Variants in EEF2K observed in about 807,000 individuals in gnomAD.
EEF2K encodes the protein eukaryotic elongation factor 2 kinase, also known as alternative protein EEF2K.
Under a neutral mutation model 93.8 loss-of-function variants are expected in EEF2K, and 70 were observed. The observed-to-expected ratio is 0.75, with a 90% confidence interval of 0.62 to 0.91. EEF2K has a LOEUF of 0.91. Ranked by LOEUF, EEF2K falls within the 40% of genes least tolerant of loss-of-function variation. The pLI is 0.00. For synonymous variants in EEF2K, 376 were observed against 380.8 expected (o/e 0.99, Z 0.15); for missense variants, 935 against 972.9 (o/e 0.96, Z 0.52).
intron 1 of EEF2K, among the ~76,000 whole-genome samples, chr16:22,213,452 T>G (rs972729260): frequency 6.6e-6 from 1 of 152,138 alleles, no homozygotes; most frequent in Non-Finnish European, 1.5e-5. Context: ...CCCCTAGAGT[T>G]TCAACAACTG....
In EEF2K at chr16:22,284,307, G is replaced by A; in HGVS notation, c.*311G>A. The A allele has an allele frequency of 3.3e-6, 1 of 301,012 alleles. No homozygotes were observed. The highest frequency in any genetic ancestry group is 6.5e-6 in the Non-Finnish European group (1 of 154,430). 18.6% of individuals were successfully genotyped at this position (301,012 alleles called of 1,614,324 possible). ...GTTTGTTTGTTTGTTTTGAGACAGA[G>A]TCTTGCTCTGTCACCCAGGCTGGAG... On this transcript the variant is annotated 3_prime_UTR_variant, in exon 18 of 18. Coordinates refer to ENST00000263026, the MANE Select transcript of EEF2K (RefSeq NM_013302.5).
At position 22,284,655 on chromosome 16, in the gene EEF2K, T is replaced by C. The variant is rs1392525005; in HGVS notation, c.*659T>C. 6.6e-6 allele frequency: 1 copy of C among 152,050 alleles called. No homozygotes were observed. Among genetic ancestry groups the C allele is most frequent in the East Asian group, 1.9e-4 (1 of 5,190 alleles). The allele number at this position is 152,050 out of a possible 1,614,324, so 9.4% of individuals were successfully genotyped here. On this transcript the variant is annotated 3_prime_UTR_variant, in exon 18 of 18. Transcript: ENST00000263026. Reference sequence around the variant, plus strand: ...AGATATAAGAAAGTGCTTTTTGCCTTGAATGGACAATTTTAGGGCTGTGCT... The same window carrying C: ...AGATATAAGAAAGTGCTTTTTGCCTCGAATGGACAATTTTAGGGCTGTGCT...
At chr16:22,258,160 T>G (rs1465760697) in intron 9 of EEF2K, among the ~76,000 whole-genome samples, 2 of 152,104 alleles carry the variant, frequency 1.3e-5, no homozygotes, top group Non-Finnish European at 2.9e-5. Flanking sequence ...CCATTGCTAC[T>G]TGGACCAGGG....
rs1329790618 is a variant in EEF2K, at chr16:22,285,531, A to G, written c.*1535A>G. The G allele has an allele frequency of 1.3e-5, 2 of 152,214 alleles. No individual in the cohort carries two copies. Among genetic ancestry groups the G allele is most frequent in the Admixed American group, 1.3e-4 (2 of 15,282 alleles). The allele number at this position is 152,214 out of a possible 1,614,324, so 9.4% of individuals were successfully genotyped here. ...ATTTCATTTGATGTTTCAAATAGCA[A>G]AGATGCTAGGTGCGGTGGCTCCCGC... On this transcript the variant is annotated 3_prime_UTR_variant, in exon 18 of 18. Coordinates refer to ENST00000263026, the MANE Select transcript of EEF2K (RefSeq NM_013302.5).
chr16:22,251,556 G>C (rs1378722742), intron 6 of EEF2K, among the ~76,000 whole-genome samples: 7 of 152,042 alleles, frequency 4.6e-5, no homozygotes, highest in Non-Finnish European at 8.8e-5. Context: ...CAGTAGCTGG[G>C]ATTACATACA....
At chr16:22,230,485 A>G (rs1194157840) in intron 2 of EEF2K, among the ~76,000 whole-genome samples, 1 of 151,850 alleles carries the variant, frequency 6.6e-6, no homozygotes, top group Non-Finnish European at 1.5e-5. Flanking sequence ...AAGTACTGGG[A>G]TTACAGGCAT....
At position 22,220,604 on chromosome 16, in the gene EEF2K, C is replaced by T. The variant is rs182942000; in HGVS notation, c.-76-5050C>T. On this transcript the variant is annotated intron_variant, in intron 1 of 17. Coordinates refer to ENST00000263026, the MANE Select transcript of EEF2K (RefSeq NM_013302.5). ...GACTACAGGCACACACCACCACGCC[C>T]GGCTAATTTTTGTATTTTTTCGTAG... is the stretch of plus-strand genomic sequence containing the variant. Among the ~76,000 whole-genome samples, 160 of 152,244 alleles carry T rather than the reference C, an allele frequency of 1.1e-3. 2 individuals are homozygous for T. Among genetic ancestry groups the T allele is most frequent in the African/African-American group, 3.5e-3 (144 of 41,564 alleles).
intron 3 of EEF2K, among the ~76,000 whole-genome samples, chr16:22,246,547 A>T (rs1417180510): frequency 6.7e-6 from 1 of 148,976 alleles, no homozygotes; most frequent in Non-Finnish European, 1.5e-5. Context: ...AAAAGACGTC[A>T]CTTTGGAGAT....
rs570275866 is a variant in EEF2K at position 22,213,802 on chromosome 16, C to G, written c.-77+7123C>G. 4.6e-5 allele frequency among the ~76,000 whole-genome samples: 7 copies of G among 152,288 alleles called. No individual in the cohort carries two copies. The East Asian group carries it at 1.2e-3, about 25-fold the overall frequency. The stretch of plus-strand genomic sequence containing the variant: ...GTGTGGCAACTTCACACCTTTCTGT[C>G]TTTGGTCACATCTCTTCCTCTAACT... On this transcript the variant is annotated intron_variant, in intron 1 of 17. Transcript: ENST00000263026.
chr16:22,263,599 C>A (rs1454954611), intron 12 of EEF2K, among the ~76,000 whole-genome samples: 1 of 152,054 alleles, frequency 6.6e-6, no homozygotes, highest in Non-Finnish European at 1.5e-5. Flanking sequence ...ACACAGTGAA[C>A]TTTGTCTCAA....
intron 1 of EEF2K, among the ~76,000 whole-genome samples, chr16:22,209,344 G>A (rs2142097058): frequency 6.6e-6 from 1 of 152,270 alleles, no homozygotes; most frequent in African/African-American, 2.4e-5. Context: ...TGTCTTTAGG[G>A]TTGTTATCTT....
intron 2 of EEF2K, among the ~76,000 whole-genome samples, chr16:22,229,375 T>C (rs1243341071): frequency 6.6e-6 from 1 of 152,160 alleles, no homozygotes; most frequent in African/African-American, 2.4e-5. Flanking sequence ...AGTGTACTTA[T>C]TTTGGTAGGG....
chr16:22,252,686 C>T (rs987737955), intron 6 of EEF2K, among the ~76,000 whole-genome samples: 29 of 152,286 alleles, frequency 1.9e-4, no homozygotes, highest in African/African-American at 7.0e-4. Context: ...CGTTTTCACA[C>T]TTCTGATAAA....
chr16:22,227,317 G>T (rs1182355695), intron 2 of EEF2K, among the ~76,000 whole-genome samples: 1 of 151,576 alleles, frequency 6.6e-6, no homozygotes, highest in Non-Finnish European at 1.5e-5. Context: ...TCCGCCTCCT[G>T]GGTTCAAGTG....
At chr16:22,250,982 C>A (rs1019684606) in intron 5 of EEF2K, among the ~76,000 whole-genome samples, 169 bp from the exon 6 acceptor site, 1 of 152,142 alleles carries the variant, frequency 6.6e-6, no homozygotes, top group African/African-American at 2.4e-5. Context: ...TGTCCCAGCT[C>A]TTTGAAGGAT....
chr16:22,208,315 G>A (rs2046883828), intron 1 of EEF2K, among the ~76,000 whole-genome samples: 1 of 152,294 alleles, frequency 6.6e-6, no homozygotes, highest in Admixed American at 6.5e-5. Context: ...TTGAGGTCAG[G>A]AGTTTGAGAC....
intron 16 of EEF2K, among the ~76,000 whole-genome samples, chr16:22,278,240 G>A (rs2047658688): frequency 6.6e-6 from 1 of 152,040 alleles, no homozygotes; most frequent in Non-Finnish European, 1.5e-5. Flanking sequence ...AAAGGGGGCT[G>A]AACTCGCCCT....
At chr16:22,230,655 A>G (rs981956304) in intron 2 of EEF2K, among the ~76,000 whole-genome samples, 3 of 152,102 alleles carry the variant, frequency 2.0e-5, no homozygotes, top group Non-Finnish European at 2.9e-5. Context: ...CTGAGTAGCT[A>G]GGACCACAGG....
At chr16:22,208,849 G>T (rs144640716) in intron 1 of EEF2K, among the ~76,000 whole-genome samples, 1 of 152,292 alleles carries the variant, frequency 6.6e-6, no homozygotes, top group East Asian at 1.9e-4. Context: ...GTGCTCCCTG[G>T]ATGAATTTTC....
Sources: gnomAD v4.1 joint callset for allele counts (sites outside exome capture counted in the v4.1 genomes callset) on GRCh38, gnomAD v4.1.1 for gene constraint, MANE v1.5 for transcripts, NCBI Gene and HGNC (gene_info 2026-07-23, HGNC 2026-07-21) for gene names.